Variants in UNC45A observed in about 807,000 individuals in gnomAD.
UNC45A encodes protein unc-45 homolog A.
A neutral mutation model predicts 103.2 loss-of-function variants in UNC45A; 78 were observed. The ratio of observed to expected loss-of-function variants is 0.76; its 90% CI spans 0.63 to 0.91. The LOEUF (loss-of-function observed/expected upper bound fraction) is 0.91, where lower values mean the gene tolerates loss of function less well. UNC45A is among the 40% of genes least tolerant of loss of function. The pLI is 0.00. For missense variants in UNC45A, 1,193 were observed against 1,224.8 expected (o/e 0.97, Z 0.39); for synonymous variants, 495 against 504.6 (o/e 0.98, Z 0.25).
chr15:90,933,367 G>C (rs2151350549), upstream of UNC45A: 1 of 152,602 alleles, frequency 6.6e-6, no homozygotes, highest in South Asian at 2.1e-4. Context: ...AATTCTGCTG[G>C]CTGGTGGCCT....
intron 19 of UNC45A, 57 bp downstream of exon 19, chr15:90,953,367 C>T (rs2037039272): frequency 6.3e-7 from 1 of 1,592,494 alleles, no homozygotes; most frequent in South Asian, 1.1e-5. Context: ...CCAGCAGCAG[C>T]TGAAGGGGGC....
Position 90,942,603 on chromosome 15 carries a change from T to G in UNC45A, c.854T>G (p.Val285Gly), listed in dbSNP as rs2151362326. Residue 285 changes from valine (V) to glycine (G), a missense_variant and splice_region_variant, in exon 7 of 20, where the codon GTG (valine) becomes GGG (glycine). Physicochemically the swap from Val to Gly is moderately radical, Grantham distance 109 (BLOSUM62 -3). Coordinates refer to ENST00000418476, the MANE Select transcript of UNC45A (RefSeq NM_018671.5). ...GFRGKEGAII[V>G]DPARELKVLI... is the part of the protein sequence containing the mutation. ...CGAGGCAAAGAAGGTGCCATCATTG[T>G]GGGTGAGTGGAAGCAGGTCTGGGGT... 1 of 1,614,158 alleles carries G rather than the reference T, an allele frequency of 6.2e-7. No homozygotes were observed. The highest frequency in any genetic ancestry group is 1.3e-5 in the African/African-American group (1 of 75,028).
At chr15:90,951,364 G>A (rs1241559303) in intron 17 of UNC45A, among the ~76,000 whole-genome samples, 1 of 152,128 alleles carries the variant, frequency 6.6e-6, no homozygotes, top group African/African-American at 2.4e-5. Flanking sequence ...TACTTAGCCC[G>A]TTTCCTATTC....
In UNC45A at chr15:90,946,600, C is replaced by T; in HGVS notation, c.1200-14C>T. The T allele has an allele frequency of 1.3e-6, 2 of 1,589,866 alleles. No homozygotes were observed. The highest frequency in any genetic ancestry group is 8.6e-7 in the Non-Finnish European group (1 of 1,165,978). On this transcript the variant is annotated splice_polypyrimidine_tract_variant and intron_variant, in intron 9 of 19. Coordinates refer to ENST00000418476, the MANE Select transcript of UNC45A (RefSeq NM_018671.5). ...TTGGCCTTGGTGTGACGGCTGTCAC[C>T]CTGTGCCCCTCAGGAGCTGGTTTGA... is the stretch of plus-strand genomic sequence containing the variant.
Position 90,953,507 on chromosome 15 carries a change from C to T in UNC45A, c.2626C>T (p.Gln876Ter), listed in dbSNP as rs898865024. The change falls in exon 20 of 20, where the codon CAG becomes TAG. Residue 876 changes from glutamine (Q) to a stop codon, truncating the protein, a stop_gained. Coordinates refer to ENST00000418476, the MANE Select transcript of UNC45A (RefSeq NM_018671.5). LOFTEE classifies it high-confidence loss of function. ...GCAGGCCCTGCTTCTGAGCTCCAAC[C>T]AGGAGCTGCAGCACCGGGGTGCTGT... is the stretch of plus-strand genomic sequence containing the variant. ...ILQALLLSSN[Q>*]ELQHRGAVVV... The T allele has an allele frequency of 3.7e-6, 6 of 1,614,136 alleles. No individual in the cohort carries two copies. Among genetic ancestry groups the T allele is most frequent in the Non-Finnish European group, 5.1e-6 (6 of 1,180,042 alleles).
Position 90,942,473 on chromosome 15 carries a change from G to C in UNC45A, c.724G>C (p.Val242Leu). The change falls in exon 7 of 20, where the codon GTA (valine) becomes CTA (leucine). Residue 242 changes from valine to leucine, a missense_variant. Coordinates refer to ENST00000418476, the MANE Select transcript of UNC45A (RefSeq NM_018671.5). ...CCTGAGCATACTGGGAACTCGGCGA[G>C]TAGTCTCCATCCTGGGCGTGGAAAG... ...ATLSILGTRR[V>L]VSILGVESQA... The C allele has an allele frequency of 6.2e-7, 1 of 1,613,996 alleles. No homozygotes were observed. The highest frequency in any genetic ancestry group is 8.5e-7 in the Non-Finnish European group (1 of 1,179,954).
intron 5 of UNC45A, among the ~76,000 whole-genome samples, 191 bp from the exon 6 acceptor site, chr15:90,940,115 A>G (rs934001145): frequency 2.6e-5 from 4 of 152,210 alleles, no homozygotes; most frequent in East Asian, 1.9e-4. Context: ...TGCTCTAACC[A>G]TCAATCCCGA....
chr15:90,947,714 G>A (rs2036644778), intron 10 of UNC45A, 82 bp from the exon 11 acceptor site: 1 of 980,448 alleles, frequency 1.0e-6, no homozygotes, highest in Non-Finnish European at 1.6e-6. Context: ...GAGTGCCAGG[G>A]AGGGAGTCCA....
intron 3 of UNC45A, 90 bp downstream of exon 3, chr15:90,936,072 TTTGGCCCCAGAGACACA>T: frequency 6.3e-7 from 1 of 1,583,222 alleles, no homozygotes; most frequent in Non-Finnish European, 8.6e-7. Flanking sequence ...ATTCTCCTCC[TTTGGCCCCAGAGACACA>T]TCTGCCTTCT....
chr15:90,937,982 C>T (rs914555210), intron 4 of UNC45A, among the ~76,000 whole-genome samples: 1 of 151,968 alleles, frequency 6.6e-6, no homozygotes, highest in African/African-American at 2.4e-5. Flanking sequence ...TTTGTAGAGA[C>T]AGGGTTTTAC....
At position 90,953,836 on chromosome 15, in the gene UNC45A, C is replaced by T; in HGVS notation, c.*120C>T. 1 of 1,401,540 alleles carries T rather than the reference C, an allele frequency of 7.1e-7. No individual in the cohort carries two copies. The highest frequency in any genetic ancestry group is 9.7e-7 in the Non-Finnish European group (1 of 1,035,502). 86.8% of individuals were successfully genotyped at this position (1,401,540 alleles called of 1,614,324 possible). On this transcript the variant is annotated 3_prime_UTR_variant, in exon 20 of 20. Transcript: ENST00000418476. ...TGCCCAATACTCTTGCCCATCCTCG[C>T]TTGCTGCCCTAGGATGTCCTCTGTT...
chr15:90,942,989 C>T lies in UNC45A; in HGVS notation c.934C>T (p.Arg312Ter), dbSNP rs766718310. The change falls in exon 8 of 20, where the codon CGA (arginine) becomes TGA (stop). Residue 312 changes from arginine to a stop codon, truncating the protein, a stop_gained. Transcript: ENST00000418476. LOFTEE classifies it high-confidence loss of function. ...AGAGGTGGGGGTCTCTGGCCAAGGC[C>T]GAGACAATGCCCTGACCCTCCTGAT... Reference protein sequence around the residue: ...LTEVGVSGQGRDNALTLLIKA... With the variant: ...LTEVGVSGQG The T allele has an allele frequency of 3.7e-6, 6 of 1,614,156 alleles. No individual in the cohort carries two copies. Among genetic ancestry groups the T allele is most frequent in the South Asian group, 3.3e-5 (3 of 91,082 alleles).
chr15:90,931,942 C>A, upstream of UNC45A: 2 of 1,613,764 alleles, frequency 1.2e-6, no homozygotes, highest in Non-Finnish European at 1.7e-6. Context: ...GGAGCAGGGC[C>A]GCCTGGGGAC....
At chr15:90,937,906 C>T (rs889517360) in intron 4 of UNC45A, among the ~76,000 whole-genome samples, 3 of 152,166 alleles carry the variant, frequency 2.0e-5, no homozygotes, top group Non-Finnish European at 4.4e-5. Flanking sequence ...AAGCAGTCCT[C>T]CCACTTCAGC....
chr15:90,942,330 C>T, intron 6 of UNC45A, 107 bp from the exon 7 acceptor site: 2 of 1,349,652 alleles, frequency 1.5e-6, no homozygotes, highest in Non-Finnish European at 2.0e-6. Context: ...CTGGGCCTTC[C>T]ACCCAATTCT....
At chr15:90,935,518 C>T in intron 1 of UNC45A, 26 bp from the exon 2 acceptor site, 1 of 1,578,254 alleles carries the variant, frequency 6.3e-7, no homozygotes, top group African/African-American at 1.3e-5. Context: ...CCCCCTCCGA[C>T]GTTTCCGCCC....
upstream of UNC45A, chr15:90,931,726 G>T (rs752276722): frequency 1.2e-6 from 2 of 1,614,120 alleles, no homozygotes; most frequent in South Asian, 2.2e-5. Flanking sequence ...AGCGATTCAG[G>T]TCCCTCAGAT....
At chr15:90,936,189 C>T (rs773228435) in intron 3 of UNC45A, 96 bp from the exon 4 acceptor site, 321 of 1,535,392 alleles carry the variant, frequency 2.1e-4, no homozygotes, top group Admixed American at 9.5e-4. Flanking sequence ...TCGTCCCCCC[C>T]ACCTTCTTCT....
Position 90,950,165 on chromosome 15 carries a change from G to C in UNC45A, c.2085G>C (p.Pro695=). 1.3e-6 allele frequency: 2 copies of C among 1,551,456 alleles called. No individual in the cohort carries two copies. Among genetic ancestry groups the C allele is most frequent in the South Asian group, 2.4e-5 (2 of 84,046 alleles). ...VAQGGGRALI[P]LALEGTDVGQ... is the part of the protein sequence containing the mutation. ...GCTTGTTCCTACAGGCGCTGATCCC[G>C]CTGGCCCTGGAAGGCACGGACGTGG... The change falls in exon 16 of 20, where the codon CCG becomes CCC. Residue 695 remains proline, a synonymous_variant. Coordinates refer to ENST00000418476, the MANE Select transcript of UNC45A (RefSeq NM_018671.5).
Sources: allele counts gnomAD v4.1 joint callset (sites outside exome capture counted in the v4.1 genomes callset), GRCh38; gene constraint gnomAD v4.1.1; transcripts MANE v1.5; gene names NCBI Gene and HGNC (gene_info 2026-07-23, HGNC 2026-07-21).